MTOR: variants seen among roughly 807,000 people sequenced by gnomAD.
MTOR encodes serine/threonine-protein kinase mTOR.
MTOR carries 70 observed loss-of-function variants against 319.8 expected under a neutral mutation model. The ratio of observed to expected loss-of-function variants is 0.22; its 90% confidence interval spans 0.18 to 0.27. MTOR has a LOEUF of 0.27. Ranked by LOEUF, MTOR falls within the 10% of genes least tolerant of loss-of-function variation. The probability of loss-of-function intolerance (pLI) is 1.00; values close to 1 mark genes in which losing one functional copy is unlikely to be tolerated. For missense variants in MTOR, 1,890 were observed against 3,274.4 expected (o/e 0.58, Z 10.32); for synonymous variants, 1,183 against 1,211.4 (o/e 0.98, Z 0.49).
chr1:11,153,944 C>T, intron 30 of MTOR, among the ~76,000 whole-genome samples: 1 of 151,230 alleles, frequency 6.6e-6, no homozygotes, highest in Non-Finnish European at 1.5e-5. Flanking sequence ...TGGTGCATGC[C>T]TGTAATCCCA....
Position 11,128,432 on chromosome 1 carries a change from A to G in MTOR, c.5910+22T>C, listed in dbSNP as rs773446990. 1 of 1,609,840 alleles carries G rather than the reference A, an allele frequency of 6.2e-7. No individual in the cohort carries two copies. Among genetic ancestry groups the G allele is most frequent in the South Asian group, 1.1e-5 (1 of 90,942 alleles). ...CACCAAACCAGTGGTTAGATGAGAA[A>G]CTGCCCAGAGTCTCCACATACCTGG... On this transcript the variant is annotated intron_variant, in intron 42 of 57. Transcript: ENST00000361445. The surrounding 1 kb of genome is among the most constrained non-coding windows in gnomAD (Gnocchi z 5.3).
intron 26 of MTOR, among the ~76,000 whole-genome samples, chr1:11,200,149 G>T (rs1265227988): frequency 6.6e-6 from 1 of 152,154 alleles, no homozygotes; most frequent in African/African-American, 2.4e-5. Flanking sequence ...TTCTAACATA[G>T]AAGTTGGCAT....
At chr1:11,204,106 G>A (rs1420801468) in intron 26 of MTOR, among the ~76,000 whole-genome samples, 1 of 152,152 alleles carries the variant, frequency 6.6e-6, no homozygotes, top group African/African-American at 2.4e-5. Flanking sequence ...TCCTGCCCCA[G>A]TCAAACCATC....
intron 28 of MTOR, chr1:11,195,761 C>T (rs1449281509): frequency 6.6e-6 from 1 of 152,604 alleles, no homozygotes; most frequent in African/African-American, 2.4e-5. Flanking sequence ...ATAGTTAATA[C>T]AGGTATATCT....
intron 38 of MTOR, chr1:11,132,420 G>A (rs981161917): frequency 2.0e-5 from 3 of 152,300 alleles, no homozygotes; most frequent in East Asian, 1.9e-4. Flanking sequence ...TTAGATTTCA[G>A]AGAGATTAAT....
chr1:11,194,811 A>G (rs2100726950), intron 28 of MTOR: 1 of 1,610,086 alleles, frequency 6.2e-7, no homozygotes, highest in Non-Finnish European at 8.5e-7. Context: ...TGTCTGGTCT[A>G]TCACAGTCAA....
intron 20 of MTOR, 30 bp from the exon 21 acceptor site, chr1:11,213,596 A>G: frequency 1.2e-6 from 2 of 1,606,142 alleles, no homozygotes; most frequent in Non-Finnish European, 1.7e-6. Context: ...AGAGGAGCTG[A>G]GTCAGGTCCC....
At chr1:11,250,219 G>A (rs1390648221) in intron 6 of MTOR, among the ~76,000 whole-genome samples, 2 of 79,960 alleles carry the variant, frequency 2.5e-5, no homozygotes, top group Non-Finnish European at 3.3e-5. Flanking sequence ...TGGCCGGGCG[G>A]GGGGCTGACC....
chr1:11,213,677 C>T, intron 20 of MTOR, 111 bp from the exon 21 acceptor site: 1 of 990,632 alleles, frequency 1.0e-6, no homozygotes, highest in Non-Finnish European at 1.5e-6. Flanking sequence ...ATGGTCTGCG[C>T]CGAGATCAAC....
intron 29 of MTOR, among the ~76,000 whole-genome samples, chr1:11,167,079 A>T (rs186590114): frequency 6.6e-6 from 1 of 152,250 alleles, no homozygotes; most frequent in Admixed American, 6.5e-5. Context: ...GGAACATGAC[A>T]CACCGGGGCC....
chr1:11,251,063 C>CATTCAA (rs1649603070), intron 6 of MTOR, among the ~76,000 whole-genome samples: 1 of 152,184 alleles, frequency 6.6e-6, no homozygotes, highest in Non-Finnish European at 1.5e-5. Context: ...AACACAATGG[C>CATTCAA]AAGAGTGATC....
rs35509012 is a variant in MTOR, at chr1:11,167,494, G to T, written c.4277C>A (p.Pro1426Gln). ...TTCTAACACTCCGGCCGCTGCCTCC[G>T]GCTGCTGTAGCTTATTATTAATGCT... ...LISINNKLQQ[P>Q]EAAAGVLEYA... is the part of the protein sequence containing the mutation. The change falls in exon 29 of 58, where the codon CCG (proline) becomes CAG (glutamine). Residue 1426 changes from proline to glutamine, a missense_variant. Physicochemically the swap from Pro to Gln is moderately conservative, Grantham distance 76. Transcript: ENST00000361445. 6.2e-7 allele frequency: 1 copy of T among 1,612,698 alleles called. No individual in the cohort carries two copies. The highest frequency in any genetic ancestry group is 8.5e-7 in the Non-Finnish European group (1 of 1,179,762).
intron 28 of MTOR, among the ~76,000 whole-genome samples, chr1:11,190,885 T>C (rs1305487777): frequency 2.0e-5 from 3 of 152,242 alleles, no homozygotes; most frequent in African/African-American, 7.2e-5. Context: ...AGTCAATGGT[T>C]AACCTCAGCT....
In MTOR at chr1:11,106,901, C is replaced by G; in HGVS notation, c.*584G>C. The G allele has an allele frequency of 7.3e-7, 1 of 1,365,360 alleles. No individual in the cohort carries two copies. The highest frequency in any genetic ancestry group is 9.6e-7 in the Non-Finnish European group (1 of 1,036,472). 84.6% of individuals were successfully genotyped at this position (1,365,360 alleles called of 1,614,324 possible). On this transcript the variant is annotated 3_prime_UTR_variant, in exon 58 of 58. Transcript: ENST00000361445. ...GTCTTGAATTGAAGCGTGTGAGTCG[C>G]AGCATCACTGGGTCTGATGGAAGAC...
intron 26 of MTOR, among the ~76,000 whole-genome samples, chr1:11,202,717 C>A (rs2100758359): frequency 6.6e-6 from 1 of 151,982 alleles, no homozygotes; most frequent in East Asian, 1.9e-4. Context: ...AGTTTGAGAT[C>A]AGCCTGGGCA....
chr1:11,125,610 A>C (rs1158450525), intron 46 of MTOR, among the ~76,000 whole-genome samples: 5 of 151,542 alleles, frequency 3.3e-5, no homozygotes, highest in African/African-American at 1.2e-4. Context: ...TGCGCCTGTA[A>C]TCTCAGCTAT....
chr1:11,218,456 A>T (rs189409066), intron 19 of MTOR, among the ~76,000 whole-genome samples: 58 of 152,186 alleles, frequency 3.8e-4, no homozygotes, highest in Admixed American at 6.5e-4. Flanking sequence ...TATTACAAAG[A>T]TCAAGGAAAA....
intron 25 of MTOR, among the ~76,000 whole-genome samples, chr1:11,205,629 T>C (rs1377872689): frequency 1.3e-5 from 2 of 152,214 alleles, no homozygotes; most frequent in Non-Finnish European, 2.9e-5. Context: ...TTACTTGTAT[T>C]TTGCAGCTGA....
At chr1:11,247,216 T>C (rs777928740) in intron 8 of MTOR, among the ~76,000 whole-genome samples, 1 of 152,188 alleles carries the variant, frequency 6.6e-6, no homozygotes, top group Non-Finnish European at 1.5e-5. Context: ...GAGCCAAGGA[T>C]TGATGCTGCC....
Sources: allele counts gnomAD v4.1 joint callset (sites outside exome capture counted in the v4.1 genomes callset), GRCh38; gene constraint gnomAD v4.1.1; non-coding constraint Gnocchi (gnomAD v3.1); transcripts MANE v1.5; gene names NCBI Gene and HGNC (gene_info 2026-07-23, HGNC 2026-07-21).